CAST: variants seen among roughly 807,000 people sequenced by gnomAD.
The protein encoded by CAST is MIR583 host.
In CAST, 76 loss-of-function variants were observed where a neutral mutation model predicts 119.6. The ratio of observed to expected loss-of-function variants is 0.64; its 90% CI spans 0.53 to 0.77. CAST has a LOEUF of 0.77. Among genes scored for constraint, CAST ranks in the 30% least tolerant of loss-of-function variants. CAST has a pLI of 0.00. For missense variants in CAST, 953 were observed against 946.5 expected, an observed-to-expected ratio of 1.01 and a Z score of -0.09; for synonymous variants, 319 against 331.6, an observed-to-expected ratio of 0.96 and a Z score of 0.41.
At chr5:96,444,670 T>C in the CAST span, among the ~76,000 whole-genome samples, 1 of 152,228 alleles carries the variant, frequency 6.6e-6, no homozygotes. Flanking sequence ...CTTCCTGTTC[T>C]TCTCTCATGG....
chr5:96,660,549 C>G (rs1295832286), upstream of CAST, among the ~76,000 whole-genome samples: 1 of 152,196 alleles, frequency 6.6e-6, no homozygotes, highest in Non-Finnish European at 1.5e-5. Flanking sequence ...ACCTCAAACT[C>G]TAATGCCACC....
chr5:96,662,136 A>T, upstream of CAST: 2 of 361,258 alleles, frequency 5.5e-6, no homozygotes, highest in Non-Finnish European at 9.9e-6. Flanking sequence ...CCGGGACCAG[A>T]GCAGTGCTGG....
intron 1 of CAST, among the ~76,000 whole-genome samples, chr5:96,621,965 T>TTC (rs1747616954): frequency 7.4e-6 from 1 of 134,528 alleles, no homozygotes; most frequent in Non-Finnish European, 1.6e-5. Flanking sequence ...TTTTCTTTTT[T>TTC]TCTCTTTTTT....
chr5:96,092,266 G>A, the CAST span, among the ~76,000 whole-genome samples: 5 of 152,070 alleles, frequency 3.3e-5, no homozygotes, highest in Non-Finnish European at 5.9e-5. Context: ...TTCTTTCAAA[G>A]CGATGCTCTT....
At chr5:96,047,832 C>T in the CAST span, among the ~76,000 whole-genome samples, 3 of 151,958 alleles carry the variant, frequency 2.0e-5, no homozygotes, top group East Asian at 1.9e-4. Flanking sequence ...GGAGAAGAGG[C>T]GCATGATGCA....
chr5:96,035,110 GATAT>G, the CAST span, among the ~76,000 whole-genome samples: 1 of 126,576 alleles, frequency 7.9e-6, no homozygotes, highest in African/African-American at 3.1e-5. Flanking sequence ...TATACTTCAA[GATAT>G]ATATAATATT....
At chr5:96,238,347 A>ATCTTCTTCT in the CAST span, among the ~76,000 whole-genome samples, 1 of 120,792 alleles carries the variant, frequency 8.3e-6, no homozygotes, top group South Asian at 3.1e-4. Flanking sequence ...CTTCTTCTTC[A>ATCTTCTTCT]TCTTCATCTT....
At chr5:96,268,985 C>A in the CAST span, among the ~76,000 whole-genome samples, 1 of 152,090 alleles carries the variant, frequency 6.6e-6, no homozygotes, top group Admixed American at 6.5e-5. Flanking sequence ...CAGTTACCCC[C>A]TTGTTCTCTC....
intron 1 of CAST, among the ~76,000 whole-genome samples, chr5:96,618,390 G>T (rs1747515167): frequency 6.6e-6 from 1 of 152,210 alleles, no homozygotes; most frequent in African/African-American, 2.4e-5. Flanking sequence ...CACCTCCTCG[G>T]CCTCGGTGTC....
the CAST span, among the ~76,000 whole-genome samples, chr5:95,975,606 C>T: frequency 6.6e-6 from 1 of 152,244 alleles, no homozygotes; most frequent in Non-Finnish European, 1.5e-5. Flanking sequence ...TTCGGGGTTC[C>T]AGAGAGGTTG....
chr5:96,043,758 G>A, the CAST span, among the ~76,000 whole-genome samples: 1 of 152,154 alleles, frequency 6.6e-6, no homozygotes, highest in Non-Finnish European at 1.5e-5. Flanking sequence ...CCAGAACAGG[G>A]TCATAAAGGA....
At chr5:96,145,915 A>G in the CAST span, among the ~76,000 whole-genome samples, 1 of 152,252 alleles carries the variant, frequency 6.6e-6, no homozygotes, top group Non-Finnish European at 1.5e-5. Context: ...ATGCTAGCTG[A>G]CAGCTGGTAG....
At chr5:96,486,713 C>A in the CAST span, among the ~76,000 whole-genome samples, 1 of 144,594 alleles carries the variant, frequency 6.9e-6, no homozygotes, top group South Asian at 2.1e-4. Context: ...GTTGGGGGGG[C>A]AGATTCTGCC....
the CAST span, among the ~76,000 whole-genome samples, chr5:96,400,359 A>G: frequency 6.6e-6 from 1 of 152,258 alleles, no homozygotes; most frequent in South Asian, 2.1e-4. Flanking sequence ...AGAATTCAGA[A>G]TACAGAGCTG....
intron 3 of CAST, among the ~76,000 whole-genome samples, chr5:96,711,692 A>G (rs911358268): frequency 2.6e-5 from 4 of 152,212 alleles, no homozygotes; most frequent in Non-Finnish European, 2.9e-5. Context: ...TAGTCTTACA[A>G]AATCCTCTGT....
chr5:96,053,488 G>C, the CAST span, among the ~76,000 whole-genome samples: 13 of 152,268 alleles, frequency 8.5e-5, no homozygotes, highest in South Asian at 2.1e-3. Context: ...AATAATTACA[G>C]ATATCCTGGT....
At chr5:96,188,783 T>C in the CAST span, among the ~76,000 whole-genome samples, 1 of 152,200 alleles carries the variant, frequency 6.6e-6, no homozygotes, top group Non-Finnish European at 1.5e-5. Flanking sequence ...ACTGTGGAGT[T>C]GAAGAAGGTG....
intron 1 of CAST, among the ~76,000 whole-genome samples, chr5:96,551,402 A>G (rs922508078): frequency 6.6e-6 from 1 of 152,240 alleles, no homozygotes; most frequent in African/African-American, 2.4e-5. Context: ...CTGCCTTACA[A>G]GAGCTCCTGA....
chr5:96,593,021 T>C (rs1746992719), intron 1 of CAST, among the ~76,000 whole-genome samples: 1 of 152,214 alleles, frequency 6.6e-6, no homozygotes, highest in South Asian at 2.1e-4. Flanking sequence ...CGCCTCGGCC[T>C]CCCAAAGTCC....
Sources: allele counts gnomAD v4.1 joint callset (sites outside exome capture counted in the v4.1 genomes callset), GRCh38; gene constraint gnomAD v4.1.1; transcripts MANE v1.5; gene names NCBI Gene and HGNC (gene_info 2026-07-23, HGNC 2026-07-21).